CEP170B: variants seen among roughly 807,000 people sequenced by gnomAD.
The protein encoded by CEP170B is centrosomal protein 170B, also known as centrosomal protein of 170 kDa protein B.
Under a neutral mutation model 120.6 loss-of-function variants are expected in CEP170B, and 55 were observed. That is an observed-to-expected ratio of 0.46 (90% CI 0.37 to 0.57). The LOEUF is 0.57. Among genes scored for constraint, CEP170B ranks in the 20% least tolerant of loss-of-function variants. The probability of loss-of-function intolerance (pLI) is 0.00; values close to 1 mark genes in which losing one functional copy is unlikely to be tolerated. For synonymous variants in CEP170B, 1,033 were observed against 954.5 expected (o/e 1.08, Z -1.52); for missense variants, 2,212 against 2,253.3 (o/e 0.98, Z 0.37).
chr14:104,894,666 C>G (rs1896999392), intron 18 of CEP170B, 45 bp from the exon 19 acceptor site: 2 of 1,576,890 alleles, frequency 1.3e-6, no homozygotes, highest in Non-Finnish European at 1.7e-6. Context: ...AGGGTGGGAG[C>G]AGGTGAACTG....
At chr14:104,878,196 C>T (rs2304756) in intron 4 of CEP170B, among the ~76,000 whole-genome samples, 65,696 of 151,834 alleles carry the variant, frequency 0.43, 16,877 homozygotes, top group Middle Eastern at 0.68. Context: ...TGCTTGCCCA[C>T]CCACCCAGCC....
intron 2 of CEP170B, among the ~76,000 whole-genome samples, chr14:104,873,690 C>G (rs1052460419): frequency 6.6e-6 from 1 of 152,032 alleles, no homozygotes; most frequent in African/African-American, 2.4e-5. Flanking sequence ...AGGCTGGAAA[C>G]CCCTCCAGGG....
intron 2 of CEP170B, 136 bp from the exon 3 acceptor site, chr14:104,876,120 C>G: frequency 1.3e-6 from 1 of 774,898 alleles, no homozygotes; most frequent in Non-Finnish European, 2.1e-6. Flanking sequence ...ACAGGGTGGG[C>G]ACAGCTCTGT....
At chr14:104,865,123 G>A (rs1372495642), upstream of CEP170B, among the ~76,000 whole-genome samples, 1 of 150,464 alleles carries the variant, frequency 6.6e-6, no homozygotes, top group Admixed American at 6.6e-5. This position sits in a 1 kb window ranked among gnomAD's most constrained non-coding sequence, Gnocchi z 6.7. Context: ...CGGGGCTACC[G>A]GGGCGGGCTC....
rs754507829 is a variant in CEP170B, at chr14:104,886,786, G to C, written c.2547G>C (p.Arg849=). The C allele has an allele frequency of 1.2e-6, 2 of 1,611,592 alleles. No homozygotes were observed. The highest frequency in any genetic ancestry group is 4.5e-5 in the East Asian group (2 of 44,880). ...SANGRMVIQL[R]PGRSPEPDGP... ...ATGGGAGAATGGTCATCCAGCTACG[G>C]CCTGGACGGTCCCCAGAACCCGACG... The change falls in exon 12 of 19, where the codon CGG becomes CGC. Residue 849 remains arginine, a synonymous_variant. Coordinates refer to ENST00000414716, the MANE Select transcript of CEP170B (RefSeq NM_001112726.3).
At position 104,882,733 on chromosome 14, in the gene CEP170B, G is replaced by A. The variant is rs554116381; in HGVS notation, c.478G>A (p.Ala160Thr). ...KGDRRPGTEA[A>T]SYRTPLYGQP... Reference sequence around the variant, plus strand: ...ACCTCTCGCTCCCTCCACAGAGGCAGCCTCTTACCGCACACCCCTGTATGG... The same window carrying A: ...ACCTCTCGCTCCCTCCACAGAGGCAACCTCTTACCGCACACCCCTGTATGG... Residue 160 changes from alanine to threonine, a missense_variant, in exon 7 of 19, where the codon GCC (alanine) becomes ACC (threonine). Physicochemically the swap from Ala to Thr is moderately conservative, Grantham distance 58 (BLOSUM62 0). This residue lies in a region of CEP170B where 2,166 missense variants were observed against 2,166.7 expected (regional missense o/e 1.00). Transcript: ENST00000414716. 3 of 1,611,416 alleles carry A rather than the reference G, an allele frequency of 1.9e-6. No individual in the cohort carries two copies. The highest frequency in any genetic ancestry group is 1.3e-5 in the African/African-American group (1 of 74,892).
In CEP170B at chr14:104,872,087, T is replaced by A. The variant is rs192516605; in HGVS notation, c.105+3532T>A. Among the ~76,000 whole-genome samples, 879 of 152,264 alleles carry A rather than the reference T, an allele frequency of 5.8e-3. 4 individuals carry two copies. Among genetic ancestry groups the A allele is most frequent in the Middle Eastern group, 0.014 (4 of 294 alleles). On this transcript the variant is annotated intron_variant, in intron 2 of 18. Coordinates refer to ENST00000414716, the MANE Select transcript of CEP170B (RefSeq NM_001112726.3). ...CCTGCTGTGGCTGTCACTCCTGTGG[T>A]GGCCCAGGCTGTGGTCCAGGGTGTG...
chr14:104,887,054 G>A lies in CEP170B; in HGVS notation c.2815G>A (p.Gly939Arg). Residue 939 changes from glycine (G) to arginine (R), a missense_variant, in exon 12 of 19, where the codon GGG becomes AGG. Transcript: ENST00000414716. ...TAATTCTGTGGATGCCGAGTGTGAGGGGGGCAGCACCCCGAGGCCGCCGGA... is the reference window on the plus strand; with the variant it reads ...TAATTCTGTGGATGCCGAGTGTGAGAGGGGCAGCACCCCGAGGCCGCCGGA... ...LSNSVDAECE[G>R]GSTPRPPEDA... The A allele has an allele frequency of 6.2e-7, 1 of 1,611,508 alleles. No individual in the cohort carries two copies. Among genetic ancestry groups the A allele is most frequent in the Non-Finnish European group, 8.5e-7 (1 of 1,179,802 alleles).
At chr14:104,864,737 G>C (rs1269641699), upstream of CEP170B, among the ~76,000 whole-genome samples, 2 of 152,172 alleles carry the variant, frequency 1.3e-5, no homozygotes, top group African/African-American at 2.4e-5. This position sits in a 1 kb window ranked among gnomAD's most constrained non-coding sequence, Gnocchi z 5.9. Flanking sequence ...GGCCAGGCTC[G>C]GGAGGGAAAA....
At chr14:104,886,240 G>C in intron 11 of CEP170B, 35 bp from the exon 12 acceptor site, 1 of 1,484,478 alleles carries the variant, frequency 6.7e-7, no homozygotes, top group South Asian at 1.3e-5. Context: ...CTGCAGACCA[G>C]CGGCCCTCTA....
chr14:104,886,284 TG>T lies in CEP170B; in HGVS notation c.2048del (p.Gly683AspfsTer140). ...YSDPGLTEDGLGRRGGEPEGS... is the reference protein window; with the variant it reads ...YSDPGLTEDGXGRRGGEPEGS... Reference sequence around the variant, plus strand: ...CCTTTGTGCTCCACAGAGGATGGCCTGGGACGTAGAGGCGGGGAGCCGGAGG... The same window carrying T: ...CCTTTGTGCTCCACAGAGGATGGCCTGGACGTAGAGGCGGGGAGCCGGAGG... On this transcript the variant is annotated frameshift_variant, in exon 12 of 19. Transcript: ENST00000414716. LOFTEE classifies it high-confidence loss of function. 6.5e-7 allele frequency: 1 copy of T among 1,540,012 alleles called. No homozygotes were observed. The highest frequency in any genetic ancestry group is 1.9e-5 in the Admixed American group (1 of 52,130).
chr14:104,883,034 G>C lies in CEP170B; in HGVS notation c.578-1G>C. ...GGTCTGAAGACATCTTCCCACACCA[G>C]AGCGCCCCAAGGGACCAGTGCAGCA... On this transcript the variant is annotated splice_acceptor_variant, in intron 7 of 18. Transcript: ENST00000414716. LOFTEE classifies it high-confidence loss of function. The C allele has an allele frequency of 6.6e-7, 1 of 1,510,868 alleles. No homozygotes were observed. The highest frequency in any genetic ancestry group is 1.4e-5 in the African/African-American group (1 of 72,504). The allele number at this position is 1,510,868 out of a possible 1,614,324, so 93.6% of individuals were successfully genotyped here.
intron 1 of CEP170B, among the ~76,000 whole-genome samples, chr14:104,866,651 G>A (rs570721127): frequency 2.0e-5 from 3 of 152,274 alleles, no homozygotes; most frequent in East Asian, 1.9e-4. Context: ...CAAGGTGAGG[G>A]TTTACCATGG....
At position 104,885,313 on chromosome 14, in the gene CEP170B, G is replaced by A. The variant is rs963280649; in HGVS notation, c.1771-56G>A. ...CTGGGGGTGGCCAGTGTCAGTGGAGGGTTGGGAGGTGGGCTTCTCTGACCC... is the reference window on the plus strand; with the variant it reads ...CTGGGGGTGGCCAGTGTCAGTGGAGAGTTGGGAGGTGGGCTTCTCTGACCC... On this transcript the variant is annotated intron_variant, in intron 9 of 18. Coordinates refer to ENST00000414716, the MANE Select transcript of CEP170B (RefSeq NM_001112726.3). 2.0e-5 allele frequency: 29 copies of A among 1,481,138 alleles called. No homozygotes were observed. The Admixed American group carries it at 4.5e-4, about 23-fold the overall frequency. 91.7% of individuals were successfully genotyped at this position (1,481,138 alleles called of 1,614,324 possible).
Position 104,894,741 on chromosome 14 carries a change from G to A in CEP170B, c.4448G>A (p.Ser1483Asn), listed in dbSNP as rs1380855175. The change falls in exon 19 of 19, where the codon AGC (serine) becomes AAC (asparagine). Residue 1483 changes from serine to asparagine, a missense_variant. Ser to Asn is a conservative substitution (Grantham distance 46). Around this residue, in one of 2 missense-constraint regions of CEP170B, gnomAD observed 2,166 missense variants for 2,166.7 expected, o/e 1.00. Coordinates refer to ENST00000414716, the MANE Select transcript of CEP170B (RefSeq NM_001112726.3). ...AATGCCATCGTGGACCCCAGTGGGA[G>A]CCTGGACCTGCTCACAGGAAACAGG... ...VINAIVDPSG[S>N]LDLLTGNRSL... is the part of the protein sequence containing the mutation. 6.3e-7 allele frequency: 1 copy of A among 1,595,458 alleles called. No individual in the cohort carries two copies. Among genetic ancestry groups the A allele is most frequent in the Admixed American group, 1.7e-5 (1 of 58,994 alleles).
Position 104,868,499 on chromosome 14 carries a change from C to T in CEP170B, c.49C>T (p.Arg17Trp), listed in dbSNP as rs1388237107. The stretch of plus-strand genomic sequence containing the variant: ...GGTGAGCAGCAGCGGCGCCCGCCAC[C>T]GGCTCCCTCGGGAGCTCATCTTCGT... ...FLVSSSGARH[R>W]LPRELIFVGR... Residue 17 changes from arginine (R) to tryptophan (W), a missense_variant, in exon 2 of 19, where the codon CGG becomes TGG. Transcript: ENST00000414716. The surrounding 1 kb of genome is among the most constrained non-coding windows in gnomAD (Gnocchi z 5.9). 5 of 1,549,594 alleles carry T rather than the reference C, an allele frequency of 3.2e-6. No homozygotes were observed. Among genetic ancestry groups the T allele is most frequent in the Admixed American group, 2.0e-5 (1 of 50,998 alleles).
chr14:104,888,641 C>T (rs964364482), intron 12 of CEP170B, among the ~76,000 whole-genome samples: 1 of 152,250 alleles, frequency 6.6e-6, no homozygotes, highest in Admixed American at 6.5e-5. Flanking sequence ...ACCCCGCCCG[C>T]CGAGGCAGCT....
At chr14:104,872,106 G>A (rs909214175) in intron 2 of CEP170B, among the ~76,000 whole-genome samples, 1 of 152,144 alleles carries the variant, frequency 6.6e-6, no homozygotes. Flanking sequence ...CTGTGGTCCA[G>A]GGTGTGCGTG....
Position 104,886,088 on chromosome 14 carries a change from TG to T in CEP170B, c.1996del (p.Ala666ProfsTer157). The part of the protein sequence containing the change: ...SPGGQKWVSR[W>X]ASLADSYSDP... ...TGGGGGTCAGAAGTGGGTGTCCCGC[TG>T]GGCCAGCCTGGCTGACAGCTACTCA... On this transcript the variant is annotated frameshift_variant, in exon 11 of 19. Coordinates refer to ENST00000414716, the MANE Select transcript of CEP170B (RefSeq NM_001112726.3). LOFTEE classifies it high-confidence loss of function. 6.5e-7 allele frequency: 1 copy of T among 1,546,680 alleles called. No individual in the cohort carries two copies. The highest frequency in any genetic ancestry group is 8.7e-7 in the Non-Finnish European group (1 of 1,145,696).
Sources: gnomAD v4.1 joint callset for allele counts (sites outside exome capture counted in the v4.1 genomes callset) on GRCh38, gnomAD v4.1.1 for gene constraint, gnomAD v4.1.1 regional missense constraint, Gnocchi (gnomAD v3.1) non-coding constraint, MANE v1.5 for transcripts, NCBI Gene and HGNC (gene_info 2026-07-23, HGNC 2026-07-21) for gene names.